Variants in RIN2 observed in about 807,000 individuals in gnomAD.
RIN2 encodes Ras and Rab interactor 2.
Under a neutral mutation model 78.0 loss-of-function variants are expected in RIN2, and 36 were observed. The observed-to-expected ratio is 0.46, with a 90% CI of 0.35 to 0.61. The LOEUF is 0.61. Ranked by LOEUF, RIN2 falls within the 20% of genes least tolerant of loss-of-function variation. RIN2 has a pLI of 0.00. For synonymous variants in RIN2, 466 were observed against 466.8 expected (o/e 1.00, Z 0.02); for missense variants, 1,087 against 1,159.7 (o/e 0.94, Z 0.91).
intron 3 of RIN2, among the ~76,000 whole-genome samples, chr20:19,912,291 A>C (rs1031143771): frequency 3.3e-5 from 5 of 151,952 alleles, no homozygotes; most frequent in African/African-American, 7.3e-5. Flanking sequence ...CTGGGGTTCA[A>C]CTGTGCTCTC....
In RIN2 at chr20:19,964,372, G is replaced by A. The variant is rs191557066; in HGVS notation, c.464-580G>A. ...AGATCTCCCTCCTCGGCCTCCCAAAGTGCTGGGATTACATGCATGAGGCAC... is the reference window on the plus strand; with the variant it reads ...AGATCTCCCTCCTCGGCCTCCCAAAATGCTGGGATTACATGCATGAGGCAC... On this transcript the variant is annotated intron_variant, in intron 6 of 12. Transcript: ENST00000255006. Among the ~76,000 whole-genome samples, 679 of 152,236 alleles carry A rather than the reference G, an allele frequency of 4.5e-3. 5 individuals carry two copies. The highest frequency in any genetic ancestry group is 0.037 in the Middle Eastern group (11 of 294).
rs966946036 is a variant in RIN2 at position 20,001,615 on chromosome 20, G to A, written c.*679G>A. 6.6e-6 allele frequency: 1 copy of A among 152,552 alleles called. No homozygotes were observed. Among genetic ancestry groups the A allele is most frequent in the African/African-American group, 2.4e-5 (1 of 41,422 alleles). 9.4% of individuals were successfully genotyped at this position (152,552 alleles called of 1,614,324 possible). ...GGATGTTTTGGCAACTTTGTGGGGA[G>A]AGACTGCTGGATTTCTTAAAGCAAC... On this transcript the variant is annotated 3_prime_UTR_variant, in exon 13 of 13. Transcript: ENST00000255006.
At position 19,900,384 on chromosome 20, in the gene RIN2, G is replaced by A. The variant is rs563310142; in HGVS notation, c.57+10726G>A. Among the ~76,000 whole-genome samples the A allele has an allele frequency of 5.5e-4, 83 of 152,082 alleles. No individual in the cohort carries two copies. The Middle Eastern group carries it at 0.01, about 19-fold the overall frequency. Reference sequence around the variant, plus strand: ...CTATAGTCCCAGTTACTCAGGAGGCGAGGCAGGAGAATTGCTTGAACCCAG... The same window carrying A: ...CTATAGTCCCAGTTACTCAGGAGGCAAGGCAGGAGAATTGCTTGAACCCAG... On this transcript the variant is annotated intron_variant, in intron 3 of 12. Transcript: ENST00000255006.
intron 3 of RIN2, among the ~76,000 whole-genome samples, chr20:19,920,902 A>C (rs1269306408): frequency 6.6e-6 from 1 of 152,162 alleles, no homozygotes. Flanking sequence ...TGAACTCCTG[A>C]CCTCAAGTGA....
intron 2 of RIN2, among the ~76,000 whole-genome samples, chr20:19,864,024 A>T (rs1453870427): frequency 6.6e-6 from 1 of 151,812 alleles, no homozygotes; most frequent in Admixed American, 6.6e-5. Context: ...GTGGTAAAAA[A>T]AAAACTTTTT....
chr20:19,982,192 T>A (rs2042476660), intron 9 of RIN2, among the ~76,000 whole-genome samples: 2 of 152,094 alleles, frequency 1.3e-5, no homozygotes, highest in Admixed American at 6.6e-5. Flanking sequence ...ATGCATACAA[T>A]TGCTCCTGGT....
intron 6 of RIN2, among the ~76,000 whole-genome samples, chr20:19,963,272 G>T (rs2041824813): frequency 6.6e-6 from 1 of 152,084 alleles, no homozygotes; most frequent in Non-Finnish European, 1.5e-5. Context: ...ATGTGTAGCG[G>T]TATGGATGTT....
chr20:19,902,964 G>T (rs1414562688), intron 3 of RIN2, among the ~76,000 whole-genome samples: 2 of 151,948 alleles, frequency 1.3e-5, no homozygotes, highest in Non-Finnish European at 2.9e-5. Context: ...ATGGTGGCGG[G>T]CCCCTGTAGT....
chr20:19,861,586 C>T (rs2037338867), intron 2 of RIN2, among the ~76,000 whole-genome samples: 1 of 151,700 alleles, frequency 6.6e-6, no homozygotes, highest in Admixed American at 6.6e-5. Flanking sequence ...GATCACCCTC[C>T]ATATCTGGTG....
chr20:19,985,158 C>G (rs2042585442), intron 9 of RIN2, among the ~76,000 whole-genome samples: 1 of 152,230 alleles, frequency 6.6e-6, no homozygotes, highest in Non-Finnish European at 1.5e-5. Context: ...AACAAAGCCA[C>G]TGAATTGCTG....
intron 2 of RIN2, among the ~76,000 whole-genome samples, chr20:19,842,069 C>A (rs1428359295): frequency 6.6e-6 from 1 of 152,150 alleles, no homozygotes; most frequent in Non-Finnish European, 1.5e-5. Context: ...CAGTTGGCAA[C>A]CTTAAGTTGA....
intron 2 of RIN2, among the ~76,000 whole-genome samples, chr20:19,824,691 G>T (rs930545709): frequency 2.6e-5 from 4 of 152,172 alleles, no homozygotes; most frequent in Admixed American, 6.5e-5. Context: ...CTAAAAGAGA[G>T]ATTTTCCTGA....
chr20:19,891,400 T>C (rs575878396), intron 3 of RIN2, among the ~76,000 whole-genome samples: 92 of 152,292 alleles, frequency 6.0e-4, no homozygotes, highest in Non-Finnish European at 1.3e-3. Context: ...AACCTCTCCT[T>C]AACCCAAAGC....
chr20:19,990,690 A>G (rs538795457), intron 10 of RIN2, among the ~76,000 whole-genome samples: 1 of 152,122 alleles, frequency 6.6e-6, no homozygotes, highest in East Asian at 1.9e-4. Context: ...CTTTAGCCGG[A>G]TGTCACCCTT....
At chr20:19,955,225 G>T (rs773996645) in intron 4 of RIN2, among the ~76,000 whole-genome samples, 15 of 152,048 alleles carry the variant, frequency 9.9e-5, no homozygotes, top group Non-Finnish European at 2.1e-4. Flanking sequence ...CTTATGTCTG[G>T]CTTCTGTCAC....
chr20:19,828,328 C>T (rs760234705), intron 2 of RIN2, among the ~76,000 whole-genome samples: 6 of 152,212 alleles, frequency 3.9e-5, no homozygotes, highest in African/African-American at 2.4e-5. Flanking sequence ...CCCCGTGAAT[C>T]GGAAGTAAGT....
At chr20:19,801,035 G>A (rs952528421) in intron 2 of RIN2, among the ~76,000 whole-genome samples, 1 of 152,190 alleles carries the variant, frequency 6.6e-6, no homozygotes, top group South Asian at 2.1e-4. Context: ...TGCTCTCAGA[G>A]AAAGCAAACC....
At chr20:19,839,133 T>A (rs1347858277) in intron 2 of RIN2, among the ~76,000 whole-genome samples, 2 of 152,118 alleles carry the variant, frequency 1.3e-5, no homozygotes, top group Non-Finnish European at 2.9e-5. Context: ...TCTGTTACGA[T>A]CCCCCTGTCA....
At chr20:19,954,423 C>T (rs751164439) in intron 4 of RIN2, among the ~76,000 whole-genome samples, 1 of 152,128 alleles carries the variant, frequency 6.6e-6, no homozygotes, top group Non-Finnish European at 1.5e-5. Context: ...GGCTTGATGA[C>T]CTGCTCCTTG....
Sources: gnomAD v4.1 joint callset for allele counts (sites outside exome capture counted in the v4.1 genomes callset) on GRCh38, gnomAD v4.1.1 for gene constraint, MANE v1.5 for transcripts, NCBI Gene and HGNC (gene_info 2026-07-23, HGNC 2026-07-21) for gene names.